Variants in CYP2C19 observed in about 807,000 individuals in gnomAD.
CYP2C19 encodes the protein cytochrome P450 2C19.
CYP2C19 carries 59 observed loss-of-function variants against 40.9 expected under a neutral mutation model. That is an observed-to-expected ratio of 1.44 (90% CI 1.17 to 1.79). The LOEUF (loss-of-function observed/expected upper bound fraction) is 1.79, where lower values mean the gene tolerates loss of function less well. CYP2C19 is among the 40% of genes most tolerant of loss of function. The probability of loss-of-function intolerance (pLI) is 0.00; values close to 1 mark genes in which losing one functional copy is unlikely to be tolerated. For synonymous variants in CYP2C19, 253 were observed against 208.7 expected, an observed-to-expected ratio of 1.21 and a Z score of -1.83; for missense variants, 754 against 596.9, an observed-to-expected ratio of 1.26 and a Z score of -2.74.
intron 6 of CYP2C19, among the ~76,000 whole-genome samples, chr10:94,837,112 A>G (rs1409310822): frequency 2.0e-5 from 3 of 152,172 alleles, no homozygotes; most frequent in African/African-American, 7.2e-5. Flanking sequence ...GGGAAAGCAG[A>G]GTATAAGGGC....
At chr10:94,764,814 T>G (rs1195332138) in intron 1 of CYP2C19, among the ~76,000 whole-genome samples, 3 of 151,940 alleles carry the variant, frequency 2.0e-5, no homozygotes, top group Non-Finnish European at 4.4e-5. Context: ...GGCCTGAAGG[T>G]GAGTAATAAC....
chr10:94,806,104 A>T (rs745918718), intron 5 of CYP2C19, among the ~76,000 whole-genome samples: 2 of 143,304 alleles, frequency 1.4e-5, no homozygotes, highest in Non-Finnish European at 3.0e-5. Context: ...TTATGTCTCT[A>T]TGAAATCGAG....
At chr10:94,807,756 A>T (rs1442900727) in intron 5 of CYP2C19, among the ~76,000 whole-genome samples, 1 of 151,818 alleles carries the variant, frequency 6.6e-6, no homozygotes, top group African/African-American at 2.4e-5. Context: ...GTTTCTGTTG[A>T]ATTGTTTGAG....
At chr10:94,836,787 T>A (rs1466176227) in intron 6 of CYP2C19, among the ~76,000 whole-genome samples, 1 of 152,170 alleles carries the variant, frequency 6.6e-6, no homozygotes, top group Non-Finnish European at 1.5e-5. Context: ...CCACAGGTAG[T>A]GAGGAAATTT....
At chr10:94,843,163 A>T in intron 7 of CYP2C19, 139 bp downstream of exon 7, 1 of 1,057,368 alleles carries the variant, frequency 9.5e-7, no homozygotes, top group Non-Finnish European at 1.4e-6. Context: ...CTTTCTGTTG[A>T]TTCCAGTTTG....
In CYP2C19 at chr10:94,814,306, A is replaced by C. The variant is rs891273571; in HGVS notation, c.820-6190A>C. On this transcript the variant is annotated intron_variant, in intron 5 of 8. Transcript: ENST00000371321. ...GAATTCCTTTTTTGAATATTTGTGA[A>C]TTTTTTTCATTGAGGTCTGTTATTT... Among the ~76,000 whole-genome samples the C allele has an allele frequency of 5.3e-5, 8 of 151,054 alleles. 1 individual carries two copies. The highest frequency in any genetic ancestry group is 2.1e-4 in the South Asian group (1 of 4,760).
chr10:94,838,508 CTG>C, intron 6 of CYP2C19, among the ~76,000 whole-genome samples: 1 of 152,242 alleles, frequency 6.6e-6, no homozygotes, highest in Non-Finnish European at 1.5e-5. Flanking sequence ...TGCTTTAAGT[CTG>C]AGAGAGAAAA....
At chr10:94,821,066 G>C (rs192767398) in intron 6 of CYP2C19, among the ~76,000 whole-genome samples, 42 of 152,202 alleles carry the variant, frequency 2.8e-4, no homozygotes, top group Admixed American at 2.1e-3. Flanking sequence ...CTGGGTGACA[G>C]AGTGGGACCC....
chr10:94,798,983 G>C (rs1848727997), intron 5 of CYP2C19, among the ~76,000 whole-genome samples: 2 of 151,644 alleles, frequency 1.3e-5, no homozygotes, highest in African/African-American at 4.8e-5. Context: ...CTTTTAATTG[G>C]GGCACTTAGC....
chr10:94,842,901 G>A lies in CYP2C19; in HGVS notation c.1026G>A (p.Arg342=), dbSNP rs866689358. The change falls in exon 7 of 9, where the codon AGG becomes AGA. Residue 342 remains arginine (R), a synonymous_variant. Transcript: ENST00000371321. ...ACCGGAGCCCCTGCATGCAGGACAG[G>A]GGCCACATGCCCTACACAGATGCTG... The part of the protein sequence containing the change: ...GRNRSPCMQD[R]GHMPYTDAVV... 1 of 1,614,166 alleles carries A rather than the reference G, an allele frequency of 6.2e-7. No homozygotes were observed. Among genetic ancestry groups the A allele is most frequent in the Middle Eastern group, 1.6e-4 (1 of 6,062 alleles).
Position 94,848,554 on chromosome 10 carries a change from A to G in CYP2C19, c.1150-1363A>G, listed in dbSNP as rs1232829320. ...TCTTTTGGCTTAGGATTGACTTGGC[A>G]ATGCAGGCTCTTTTTTGGTTCCATA... On this transcript the variant is annotated intron_variant, in intron 7 of 8. Transcript: ENST00000371321. Among the ~76,000 whole-genome samples the G allele has an allele frequency of 5.9e-5, 9 of 152,104 alleles. No individual in the cohort carries two copies. The South Asian group carries it at 8.3e-4, about 14-fold the overall frequency.
intron 6 of CYP2C19, among the ~76,000 whole-genome samples, chr10:94,837,734 C>G (rs1196857384): frequency 6.8e-6 from 1 of 147,396 alleles, no homozygotes; most frequent in Non-Finnish European, 1.5e-5. Flanking sequence ...TCCTGGCCCT[C>G]AATGGTCAAG....
At chr10:94,835,559 T>C (rs182979418) in intron 6 of CYP2C19, among the ~76,000 whole-genome samples, 1 of 152,134 alleles carries the variant, frequency 6.6e-6, no homozygotes, top group Non-Finnish European at 1.5e-5. Context: ...CCTCAATATC[T>C]GCTTGGCGGT....
At chr10:94,823,453 C>T (rs758918603) in intron 6 of CYP2C19, among the ~76,000 whole-genome samples, 2 of 152,146 alleles carry the variant, frequency 1.3e-5, no homozygotes, top group Non-Finnish European at 2.9e-5. Flanking sequence ...ATCTTGCTTC[C>T]TAAAATTCAG....
At chr10:94,772,737 G>T (rs1848351704) in intron 1 of CYP2C19, among the ~76,000 whole-genome samples, 2 of 152,162 alleles carry the variant, frequency 1.3e-5, no homozygotes, top group Admixed American at 6.5e-5. Context: ...CCCTTTCCCA[G>T]AAAGCCTGAC....
intron 6 of CYP2C19, among the ~76,000 whole-genome samples, chr10:94,821,858 T>C (rs1394196187): frequency 6.6e-6 from 1 of 151,990 alleles, no homozygotes; most frequent in Non-Finnish European, 1.5e-5. Context: ...TGTGTAACAC[T>C]GAGTCTCGGG....
At chr10:94,818,800 T>C (rs1472462223) in intron 5 of CYP2C19, among the ~76,000 whole-genome samples, 1 of 151,054 alleles carries the variant, frequency 6.6e-6, no homozygotes, top group Non-Finnish European at 1.5e-5. Flanking sequence ...GCTGAGACGA[T>C]GGGGTTTTCT....
chr10:94,843,843 A>C (rs1849529691), intron 7 of CYP2C19, among the ~76,000 whole-genome samples: 1 of 152,308 alleles, frequency 6.6e-6, no homozygotes, highest in South Asian at 2.1e-4. Flanking sequence ...TCTCATTTCT[A>C]ATCTGCAGGA....
At chr10:94,839,741 C>G (rs1002231034) in intron 6 of CYP2C19, among the ~76,000 whole-genome samples, 2 of 152,204 alleles carry the variant, frequency 1.3e-5, no homozygotes, top group Admixed American at 6.5e-5. Flanking sequence ...GTCTCTGTAT[C>G]AATTACTGAA....
Sources: gnomAD v4.1 joint callset for allele counts (sites outside exome capture counted in the v4.1 genomes callset) on GRCh38, gnomAD v4.1.1 for gene constraint, MANE v1.5 for transcripts, NCBI Gene and HGNC (gene_info 2026-07-23, HGNC 2026-07-21) for gene names.